RHPN2: variants seen among roughly 807,000 people sequenced by gnomAD.
The protein encoded by RHPN2 is rhophilin Rho GTPase binding protein 2.
RHPN2 carries 40 observed loss-of-function variants against 79.0 expected under a neutral mutation model. The ratio of observed to expected loss-of-function variants is 0.51; its 90% CI spans 0.39 to 0.66. RHPN2 has a LOEUF of 0.66. Ranked by LOEUF, RHPN2 falls within the 30% of genes least tolerant of loss-of-function variation. The probability of loss-of-function intolerance (pLI) is 0.00; values close to 1 mark genes in which losing one functional copy is unlikely to be tolerated. For synonymous variants in RHPN2, 285 were observed against 363.5 expected (o/e 0.78, Z 2.46); for missense variants, 686 against 883.5 (o/e 0.78, Z 2.83).
rs569613880 is a variant in RHPN2 at position 32,979,196 on chromosome 19, A to G, written c.*800T>C. ...AGAGCTTTAAACCTGAATCATTTACATCTTTACTTTATAAAATGTAAAACT... is the reference window on the plus strand; with the variant it reads ...AGAGCTTTAAACCTGAATCATTTACGTCTTTACTTTATAAAATGTAAAACT... On this transcript the variant is annotated 3_prime_UTR_variant, in exon 15 of 15. Coordinates refer to ENST00000254260, the MANE Select transcript of RHPN2 (RefSeq NM_033103.5). The G allele has an allele frequency of 6.6e-6, 1 of 152,362 alleles. No individual in the cohort carries two copies. Among genetic ancestry groups the G allele is most frequent in the Non-Finnish European group, 1.5e-5 (1 of 68,044 alleles). 9.4% of individuals were successfully genotyped at this position (152,362 alleles called of 1,614,324 possible).
chr19:33,017,480 G>A (rs1971887394), intron 4 of RHPN2, among the ~76,000 whole-genome samples: 1 of 152,042 alleles, frequency 6.6e-6, no homozygotes, highest in African/African-American at 2.4e-5. Flanking sequence ...TAGACATGTG[G>A]ATTGTTTTGA....
At chr19:33,062,873 G>A (rs543178784) in intron 1 of RHPN2, among the ~76,000 whole-genome samples, 33 of 152,124 alleles carry the variant, frequency 2.2e-4, no homozygotes, top group Non-Finnish European at 3.4e-4. Context: ...TTCCCAGTGC[G>A]GAGCAAGAAG....
intron 1 of RHPN2, among the ~76,000 whole-genome samples, chr19:33,060,134 C>T (rs531717545): frequency 2.6e-5 from 4 of 152,326 alleles, no homozygotes; most frequent in East Asian, 3.9e-4. Flanking sequence ...CATGACCAGA[C>T]ACCTCAGGCA....
intron 1 of RHPN2, among the ~76,000 whole-genome samples, chr19:33,064,463 C>T (rs1001618370): frequency 1.3e-5 from 2 of 150,562 alleles, no homozygotes; most frequent in African/African-American, 4.9e-5. Context: ...CACCAGGGAT[C>T]GCAAGCGAGG....
intron 1 of RHPN2, among the ~76,000 whole-genome samples, chr19:33,063,876 G>T (rs949447479): frequency 4.4e-5 from 6 of 135,222 alleles, no homozygotes; most frequent in African/African-American, 1.7e-4. Context: ...AGACAAATCC[G>T]CTTTGGCACA....
At chr19:33,061,225 C>CTTTTTTT (rs35377340) in intron 1 of RHPN2, among the ~76,000 whole-genome samples, 2 of 120,596 alleles carry the variant, frequency 1.7e-5, no homozygotes, top group African/African-American at 3.6e-5. Flanking sequence ...ACCTGCCTTT[C>CTTTTTTT]TTTTTTTTTT....
intron 10 of RHPN2, among the ~76,000 whole-genome samples, chr19:32,998,359 G>A (rs1278690565): frequency 6.6e-6 from 1 of 152,162 alleles, no homozygotes; most frequent in Non-Finnish European, 1.5e-5. Context: ...AGTAAGACAA[G>A]AGGTTAGGTG....
At chr19:32,994,108 CCTAATAGTCCAGTGTTGTGG>C (rs1364399033) in intron 11 of RHPN2, 55 bp from the exon 12 acceptor site, 1 of 1,295,646 alleles carries the variant, frequency 7.7e-7, no homozygotes, top group African/African-American at 1.5e-5. Flanking sequence ...TGAAAGTGAT[CCTAATAGTCCAGTGTTGTGG>C]CTCACGCCTG....
chr19:33,007,084 C>T (rs1971797472), intron 7 of RHPN2, among the ~76,000 whole-genome samples: 1 of 152,034 alleles, frequency 6.6e-6, no homozygotes, highest in Admixed American at 6.6e-5. Flanking sequence ...AAAGACAGTT[C>T]CCAGAAGAAG....
intron 2 of RHPN2, among the ~76,000 whole-genome samples, chr19:33,040,461 A>C (rs568400478): frequency 1.3e-5 from 2 of 151,890 alleles, no homozygotes; most frequent in South Asian, 4.2e-4. Flanking sequence ...GATGGTCTCG[A>C]TCTCTTGACC....
At chr19:33,057,350 A>G (rs1972242414) in intron 1 of RHPN2, among the ~76,000 whole-genome samples, 1 of 152,040 alleles carries the variant, frequency 6.6e-6, no homozygotes, top group African/African-American at 2.4e-5. Context: ...CAAAAAAGAA[A>G]GAAAAGACAA....
chr19:33,032,037 T>C (rs1218379541), intron 2 of RHPN2, among the ~76,000 whole-genome samples: 1 of 136,872 alleles, frequency 7.3e-6, no homozygotes, highest in Non-Finnish European at 1.5e-5. Flanking sequence ...TTTTTTTTTT[T>C]TGAGGCAGAG....
At chr19:33,013,122 CA>C (rs1490344159) in intron 4 of RHPN2, among the ~76,000 whole-genome samples, 1 of 151,776 alleles carries the variant, frequency 6.6e-6, no homozygotes, top group African/African-American at 2.4e-5. Flanking sequence ...GTGATCCCCC[CA>C]CCTCGCCCTC....
chr19:33,028,722 C>A (rs547439980), intron 2 of RHPN2, among the ~76,000 whole-genome samples: 2 of 152,078 alleles, frequency 1.3e-5, no homozygotes, highest in East Asian at 3.9e-4. Context: ...TCCCACTAAC[C>A]TTTTTAATAG....
intron 2 of RHPN2, among the ~76,000 whole-genome samples, chr19:33,033,438 C>A (rs779507563): frequency 1.3e-5 from 2 of 152,118 alleles, no homozygotes; most frequent in Admixed American, 6.6e-5. Flanking sequence ...TGGGGGCACA[C>A]GCCTGTACTC....
At position 33,024,143 on chromosome 19, in the gene RHPN2, A is replaced by G. The variant is rs142814833; in HGVS notation, c.314+2361T>C. Reference sequence around the variant, plus strand: ...CTGTCGCACTGACTGGGCGTTCAAAACTGCACAGGAGGCCGGGTGTGGTGG... The same window carrying G: ...CTGTCGCACTGACTGGGCGTTCAAAGCTGCACAGGAGGCCGGGTGTGGTGG... On this transcript the variant is annotated intron_variant, in intron 3 of 14. Coordinates refer to ENST00000254260, the MANE Select transcript of RHPN2 (RefSeq NM_033103.5). Among the ~76,000 whole-genome samples the G allele has an allele frequency of 4.4e-3, 671 of 152,286 alleles. 3 individuals are homozygous for G. Among genetic ancestry groups the G allele is most frequent in the African/African-American group, 0.016 (646 of 41,592 alleles).
At chr19:33,037,771 G>A (rs540477505) in intron 2 of RHPN2, among the ~76,000 whole-genome samples, 2 of 152,268 alleles carry the variant, frequency 1.3e-5, no homozygotes, top group East Asian at 1.9e-4. Context: ...CTCCAGACAC[G>A]CTGCATTTAA....
rs1971806911 is a variant in RHPN2, at chr19:33,008,019, GCT to G, written c.753_754del (p.Arg251SerfsTer42). The G allele has an allele frequency of 9.3e-6, 15 of 1,612,144 alleles. No individual in the cohort carries two copies. The highest frequency in any genetic ancestry group is 1.2e-5 in the Non-Finnish European group (14 of 1,179,920). On this transcript the variant is annotated frameshift_variant, in exon 7 of 15. Transcript: ENST00000254260. LOFTEE classifies it high-confidence loss of function. ...CAGCCCTGGAGGAGACATACCTGCG[GCT>G]CTCTGAAAGGCATCTATGGCACTCT...
intron 2 of RHPN2, among the ~76,000 whole-genome samples, chr19:33,043,245 A>G (rs1395834752): frequency 6.6e-6 from 1 of 151,922 alleles, no homozygotes; most frequent in African/African-American, 2.4e-5. Context: ...CTCCATCTGA[A>G]AAAAAAGAAA....
Sources: allele counts gnomAD v4.1 joint callset (sites outside exome capture counted in the v4.1 genomes callset), GRCh38; gene constraint gnomAD v4.1.1; transcripts MANE v1.5; gene names NCBI Gene and HGNC (gene_info 2026-07-23, HGNC 2026-07-21).